The following BSG variants were observed in gnomAD, a reference collection of about 807,000 sequenced individuals.
The protein encoded by BSG is basigin (Ok blood group), also known as basigin.
In BSG, 37 loss-of-function variants were observed where a neutral mutation model predicts 43.1. That is an observed-to-expected ratio of 0.86 (90% confidence interval 0.66 to 1.13). The LOEUF (loss-of-function observed/expected upper bound fraction) is 1.13, where lower values mean the gene tolerates loss of function less well. Among genes scored for constraint, BSG ranks in the 50% most tolerant of loss-of-function variants. The pLI is 0.00. For missense variants in BSG, 599 were observed against 554.2 expected (o/e 1.08, Z -0.81); for synonymous variants, 309 against 238.7 (o/e 1.29, Z -2.72).
At chr19:578,364 G>A (rs1468818220) in intron 2 of BSG, among the ~76,000 whole-genome samples, 4 of 152,032 alleles carry the variant, frequency 2.6e-5, no homozygotes, top group East Asian at 1.9e-4. Context: ...GTGGGTCCTC[G>A]TCCTCCCCTC....
intron 6 of BSG, 119 bp from the exon 7 acceptor site, chr19:582,187 C>T: frequency 9.9e-6 from 14 of 1,411,530 alleles, no homozygotes; most frequent in African/African-American, 1.5e-5. Flanking sequence ...CCGAGCCACC[C>T]CTGGGGGTCA....
chr19:579,366 C>A, intron 2 of BSG, 134 bp from the exon 3 acceptor site: 2 of 1,241,750 alleles, frequency 1.6e-6, no homozygotes, highest in South Asian at 1.3e-5. Context: ...GTCCTCGGGG[C>A]GTAAGGGCCA....
chr19:574,651 C>T (rs571072379), intron 1 of BSG, among the ~76,000 whole-genome samples: 6 of 152,342 alleles, frequency 3.9e-5, no homozygotes, highest in Admixed American at 2.0e-4. Context: ...GCAAGGGCTT[C>T]GAGCCTCTGT....
At chr19:576,488 G>A (rs1015507275) in intron 1 of BSG, among the ~76,000 whole-genome samples, 21 of 152,232 alleles carry the variant, frequency 1.4e-4, no homozygotes, top group African/African-American at 4.1e-4. Flanking sequence ...CCAGCCAGGC[G>A]CGGTGGCTCA....
chr19:571,542 C>T (rs1157211505), upstream of BSG: 3 of 779,596 alleles, frequency 3.8e-6, no homozygotes, highest in Admixed American at 3.4e-5. Context: ...TCCTGAGGCC[C>T]CCACAATGAA....
chr19:579,830 G>T (rs1600493275), intron 3 of BSG, 174 bp downstream of exon 3: 3 of 1,027,240 alleles, frequency 2.9e-6, no homozygotes, highest in East Asian at 5.5e-5. Context: ...GGTCTGAGGG[G>T]CGTCCTTGTG....
At chr19:576,726 T>G (rs912913997) in intron 1 of BSG, among the ~76,000 whole-genome samples, 1 of 148,860 alleles carries the variant, frequency 6.7e-6, no homozygotes, top group African/African-American at 2.5e-5. Context: ...ACACCACTGC[T>G]GAACAGAGTG....
Position 578,068 on chromosome 19 carries a change from G to A in BSG, c.362G>A (p.Arg121Gln), listed in dbSNP as rs771525888. 3.4e-5 allele frequency: 55 copies of A among 1,607,398 alleles called. No individual in the cohort carries two copies. The highest frequency in any genetic ancestry group is 1.0e-4 in the Admixed American group (6 of 59,666). ...SNDPDRNHLT[R>Q]APRVKWVRAQ... The stretch of plus-strand genomic sequence containing the variant: ...GACCCGGATCGCAACCACCTGACCC[G>A]GGCGCCCAGGGTCAAGTGGGTCCGC... The change falls in exon 2 of 9, where the codon CGG (arginine) becomes CAG (glutamine). Residue 121 changes from arginine (R) to glutamine (Q), a missense_variant. Coordinates refer to ENST00000333511, the MANE Select transcript of BSG (RefSeq NM_001728.4).
rs754745392 is a variant in BSG at position 572,620 on chromosome 19, C to G, written c.-15C>G. ...CAGCGGTTGGAGGTTGTAGGACCGG[C>G]GAGGAATAGGAATCATGGCGGCTGC... On this transcript the variant is annotated 5_prime_UTR_variant, in exon 1 of 9. Coordinates refer to ENST00000333511, the MANE Select transcript of BSG (RefSeq NM_001728.4). 1.3e-6 allele frequency: 2 copies of G among 1,493,400 alleles called. No individual in the cohort carries two copies. Among genetic ancestry groups the G allele is most frequent in the Admixed American group, 2.3e-5 (1 of 44,398 alleles). 92.5% of individuals were successfully genotyped at this position (1,493,400 alleles called of 1,614,324 possible). A position where few individuals can be genotyped will look rare whatever the true frequency, so the allele number is the denominator to read the frequency against.
At chr19:579,423 C>T (rs775042951) in intron 2 of BSG, 77 bp from the exon 3 acceptor site, 2 of 1,583,086 alleles carry the variant, frequency 1.3e-6, no homozygotes, top group Non-Finnish European at 1.7e-6. Context: ...GGAGGAGCCG[C>T]AGGTTCCTGG....
intron 2 of BSG, chr19:579,240 A>G (rs1325665528): frequency 1.7e-6 from 1 of 585,112 alleles, no homozygotes; most frequent in South Asian, 1.5e-5. Flanking sequence ...AGGGCCCGCC[A>G]GCTGCCAGCG....
intron 6 of BSG, 127 bp downstream of exon 6, chr19:581,718 G>A: frequency 7.8e-7 from 1 of 1,283,894 alleles, no homozygotes; most frequent in Non-Finnish European, 1.0e-6. Context: ...GCAGGGAGTT[G>A]ATGGGACCCC....
chr19:574,002 C>G (rs540084891), intron 1 of BSG, among the ~76,000 whole-genome samples: 51 of 152,286 alleles, frequency 3.3e-4, no homozygotes, highest in African/African-American at 1.2e-3. Context: ...CACCTGTAAT[C>G]CCAGCACTTT....
chr19:573,948 G>A (rs1453639257), intron 1 of BSG, among the ~76,000 whole-genome samples: 1 of 152,170 alleles, frequency 6.6e-6, no homozygotes, highest in African/African-American at 2.4e-5. Flanking sequence ...CCCCCATTTG[G>A]TTCTGGGTTA....
upstream of BSG, chr19:571,670 G>A: frequency 2.6e-6 from 2 of 758,836 alleles, no homozygotes; most frequent in Middle Eastern, 2.3e-4. Flanking sequence ...CCAGCACTTA[G>A]AAAATTTCTC....
intron 7 of BSG, 71 bp downstream of exon 7, chr19:582,401 GCAGAGCC>G: frequency 6.4e-7 from 1 of 1,555,970 alleles, no homozygotes; most frequent in Admixed American, 1.8e-5. Flanking sequence ...AAACACAAAG[GCAGAGCC>G]CCTGGGCTTC....
At chr19:576,392 TA>T (rs1981773502) in intron 1 of BSG, among the ~76,000 whole-genome samples, 2 of 152,204 alleles carry the variant, frequency 1.3e-5, no homozygotes, top group South Asian at 4.1e-4. Flanking sequence ...GCTCTGCACA[TA>T]GCTGCCAGTG....
At chr19:574,461 G>A (rs1342745348) in intron 1 of BSG, among the ~76,000 whole-genome samples, 2 of 152,094 alleles carry the variant, frequency 1.3e-5, no homozygotes, top group Admixed American at 1.3e-4. Context: ...TCTGAGGCAG[G>A]AGAATGGTGT....
Position 579,547 on chromosome 19 carries a change from C to G in BSG, c.463C>G (p.Leu155Val). The G allele has an allele frequency of 6.2e-7, 1 of 1,612,712 alleles. No individual in the cohort carries two copies. The highest frequency in any genetic ancestry group is 1.3e-5 in the African/African-American group (1 of 75,068). The change falls in exon 3 of 9, where the codon CTC (leucine) becomes GTC (valine). Residue 155 changes from leucine (L) to valine (V), a missense_variant. Coordinates refer to ENST00000333511, the MANE Select transcript of BSG (RefSeq NM_001728.4). ...TVEDLGSKIL[L>V]TCSLNDSATE... ...AGAAGACCTTGGCTCCAAGATACTC[C>G]TCACCTGCTCCTTGAATGACAGCGC...
Sources: allele counts gnomAD v4.1 joint callset (sites outside exome capture counted in the v4.1 genomes callset), GRCh38; gene constraint gnomAD v4.1.1; transcripts MANE v1.5; gene names NCBI Gene and HGNC (gene_info 2026-07-23, HGNC 2026-07-21).